The following LATS2 variants were observed in gnomAD, a reference collection of about 807,000 sequenced individuals.
LATS2 encodes the protein large tumor suppressor kinase 2, also known as serine/threonine-protein kinase LATS2.
Under a neutral mutation model 76.0 loss-of-function variants are expected in LATS2, and 24 were observed. That is an observed-to-expected ratio of 0.32 (90% CI 0.23 to 0.44). LATS2 has a LOEUF of 0.44. Ranked by LOEUF, LATS2 falls within the 20% of genes least tolerant of loss-of-function variation. The probability of loss-of-function intolerance (pLI) is 1.00; values close to 1 mark genes in which losing one functional copy is unlikely to be tolerated. For synonymous variants in LATS2, 692 were observed against 635.4 expected, an observed-to-expected ratio of 1.09 and a Z score of -1.34; for missense variants, 1,286 against 1,481.2, an observed-to-expected ratio of 0.87 and a Z score of 2.16.
Position 20,974,823 on chromosome 13 carries a change from G to C in LATS2, c.*47C>G, listed in dbSNP as rs1050983205. 1 of 1,553,470 alleles carries C rather than the reference G, an allele frequency of 6.4e-7. No homozygotes were observed. Among genetic ancestry groups the C allele is most frequent in the Admixed American group, 1.9e-5 (1 of 51,550 alleles). Reference sequence around the variant, plus strand: ...TGGCCTGTGAGGGCACCGGCTCCGGGACCCTGACCTGGGAGGCAGCGAGTG... The same window carrying C: ...TGGCCTGTGAGGGCACCGGCTCCGGCACCCTGACCTGGGAGGCAGCGAGTG... On this transcript the variant is annotated 3_prime_UTR_variant, in exon 8 of 8. Transcript: ENST00000382592.
chr13:20,975,313 G>A lies in LATS2; in HGVS notation c.2824C>T (p.Pro942Ser), dbSNP rs1423709652. 4 of 1,604,418 alleles carry A rather than the reference G, an allele frequency of 2.5e-6. No individual in the cohort carries two copies. Among genetic ancestry groups the A allele is most frequent in the South Asian group, 2.2e-5 (2 of 90,092 alleles). The change falls in exon 8 of 8, where the codon CCT becomes TCT. Residue 942 changes from proline (P) to serine (S), a missense_variant. By Grantham distance (74) the Pro-to-Ser change is moderately conservative. This residue lies in a region of LATS2 where 210 missense variants were observed against 234.9 expected (regional missense o/e 0.89). Transcript: ENST00000382592. ...LHIPAQVKLS[P>S]EARDLITKLC... ...TTGGTGATGAGGTCCCTGGCCTCAG[G>A]GCTCAGCTTCACCTGGGCTGGAATG...
intron 1 of LATS2, among the ~76,000 whole-genome samples, chr13:21,050,119 CATAGACAG>C (rs1477287046): frequency 0.03 from 810 of 26,798 alleles, 9 homozygotes; most frequent in African/African-American, 0.053. Flanking sequence ...GACTCTGTCT[CATAGACAG>C]ATAGATAGAT....
At chr13:21,028,262 T>C (rs888864199) in intron 2 of LATS2, among the ~76,000 whole-genome samples, 1 of 152,178 alleles carries the variant, frequency 6.6e-6, no homozygotes, top group African/African-American at 2.4e-5. Context: ...CATGAACTCA[T>C]CATTTTTTAT....
intron 5 of LATS2, 36 bp downstream of exon 5, chr13:20,983,188 A>G (rs1237929074): frequency 1.4e-6 from 2 of 1,446,832 alleles, no homozygotes. Flanking sequence ...TGACATCTAC[A>G]CATAGAAAGT....
chr13:20,988,676 C>T lies in LATS2; in HGVS notation c.1104G>A (p.Gln368=), dbSNP rs12868620. The T allele has an allele frequency of 5.1e-6, 8 of 1,574,810 alleles. No individual in the cohort carries two copies. In the South Asian group the frequency reaches 6.9e-5, roughly 14 times the overall value. ...DLYELGSTSV[Q]QWPAATLARR... ...GGGCCAGGGTGGCAGCCGGCCACTG[C>T]TGGACGGAGGTGCTGCCCAATTCAT... The change falls in exon 4 of 8, where the codon CAG becomes CAA. Residue 368 remains glutamine, a synonymous_variant. Coordinates refer to ENST00000382592, the MANE Select transcript of LATS2 (RefSeq NM_014572.3).
At chr13:21,017,468 C>T (rs192793665) in intron 2 of LATS2, among the ~76,000 whole-genome samples, 1 of 152,168 alleles carries the variant, frequency 6.6e-6, no homozygotes, top group Admixed American at 6.5e-5. Context: ...AGCCACCACA[C>T]CTGGATGATT....
chr13:20,988,392 G>A lies in LATS2; in HGVS notation c.1388C>T (p.Pro463Leu). ...EPQTAVGPSH[P>L]AWVPAPAPAP... ...CGGGGCAGGCGCGGGCACCCAGGCG[G>A]GGTGCGAGGGCCCCACAGCCGTCTG... Residue 463 changes from proline to leucine, a missense_variant, in exon 4 of 8, where the codon CCC becomes CTC. Coordinates refer to ENST00000382592, the MANE Select transcript of LATS2 (RefSeq NM_014572.3). 1 of 1,382,130 alleles carries A rather than the reference G, an allele frequency of 7.2e-7. No homozygotes were observed. 85.6% of individuals were successfully genotyped at this position (1,382,130 alleles called of 1,614,324 possible).
chr13:21,014,196 G>A (rs1436227316), intron 2 of LATS2, among the ~76,000 whole-genome samples: 1 of 152,238 alleles, frequency 6.6e-6, no homozygotes, highest in African/African-American at 2.4e-5. Context: ...AAGGCGCGCA[G>A]GTCACTCCCA....
chr13:20,977,253 G>A (rs1384408488), intron 7 of LATS2, among the ~76,000 whole-genome samples: 1 of 152,120 alleles, frequency 6.6e-6, no homozygotes, highest in Admixed American at 6.6e-5. Flanking sequence ...AAAATTAGCT[G>A]GTGTTGTGGC....
rs1869563667 is a variant in LATS2, at chr13:20,975,371, A to C, written c.2773-7T>G. On this transcript the variant is annotated splice_polypyrimidine_tract_variant and splice_region_variant and intron_variant, in intron 7 of 7. Transcript: ENST00000382592. Reference sequence around the variant, plus strand: ...TGTTCTCCCAGTTGATCACCTGAGGAAACAACAGAGCCAACAGGTTAGTTT... The same window carrying C: ...TGTTCTCCCAGTTGATCACCTGAGGCAACAACAGAGCCAACAGGTTAGTTT... The C allele has an allele frequency of 6.5e-7, 1 of 1,541,594 alleles. No individual in the cohort carries two copies. The highest frequency in any genetic ancestry group is 8.7e-7 in the Non-Finnish European group (1 of 1,145,616).
intron 2 of LATS2, among the ~76,000 whole-genome samples, chr13:21,044,421 A>G (rs1025654186): frequency 1.3e-5 from 2 of 152,198 alleles, no homozygotes; most frequent in African/African-American, 4.8e-5. Flanking sequence ...TGAGCATGAA[A>G]TCTTACTACT....
chr13:21,027,298 A>G (rs1462919478), intron 2 of LATS2, among the ~76,000 whole-genome samples: 7 of 152,186 alleles, frequency 4.6e-5, no homozygotes, highest in African/African-American at 1.7e-4. Flanking sequence ...TCAAGGTTGC[A>G]AGATTTTATC....
chr13:21,027,860 C>T (rs371149587), intron 2 of LATS2, among the ~76,000 whole-genome samples: 3 of 151,996 alleles, frequency 2.0e-5, no homozygotes, highest in East Asian at 1.9e-4. Flanking sequence ...TGAGAACTGC[C>T]GTCTTAACAG....
chr13:20,989,120 G>A lies in LATS2; in HGVS notation c.660C>T (p.Gly220=). The part of the protein sequence containing the change: ...PYVDYLFPGV[G]PHGPGHQHQH... ...GGTGCTGGTGGCCGGGCCCGTGGGG[G>A]CCGACTCCGGGGAAAAGGTAGTCCA... is the stretch of plus-strand genomic sequence containing the variant. The change falls in exon 4 of 8, where the codon GGC becomes GGT. Residue 220 remains glycine (G), a synonymous_variant. Coordinates refer to ENST00000382592, the MANE Select transcript of LATS2 (RefSeq NM_014572.3). The A allele has an allele frequency of 6.2e-7, 1 of 1,607,018 alleles. No homozygotes were observed. Among genetic ancestry groups the A allele is most frequent in the Non-Finnish European group, 8.5e-7 (1 of 1,177,582 alleles).
chr13:20,978,288 C>T (rs1385243144), intron 7 of LATS2, among the ~76,000 whole-genome samples: 1 of 151,986 alleles, frequency 6.6e-6, no homozygotes, highest in Non-Finnish European at 1.5e-5. Context: ...CCTGGTGGCT[C>T]ACATGACCAC....
intron 2 of LATS2, among the ~76,000 whole-genome samples, chr13:20,998,628 T>A (rs1369623915): frequency 6.6e-6 from 1 of 152,224 alleles, no homozygotes; most frequent in African/African-American, 2.4e-5. Context: ...CCTGGAAGAA[T>A]GAGGCCCTCC....
intron 2 of LATS2, among the ~76,000 whole-genome samples, chr13:20,998,793 C>T (rs1055646300): frequency 1.3e-5 from 2 of 151,992 alleles, no homozygotes; most frequent in Admixed American, 6.6e-5. Context: ...GGCAGAGCCC[C>T]GTGACCTTGT....
intron 1 of LATS2, among the ~76,000 whole-genome samples, chr13:21,047,617 G>C (rs1368512453): frequency 6.6e-6 from 1 of 152,050 alleles, no homozygotes; most frequent in East Asian, 1.9e-4. Flanking sequence ...AACGGGGATG[G>C]GCAGAGGGAT....
rs752778622 is a variant in LATS2 at position 20,983,759 on chromosome 13, G to C, written c.1947C>G (p.Tyr649Ter). ...AEQEQMRKIL[Y>*]QKESNYNRLK... The stretch of plus-strand genomic sequence containing the variant: ...ACCTGTTGTAATTAGACTCTTTCTG[G>C]TAGAGGATCTTCCGCATCTGCTCCT... The change falls in exon 5 of 8, where the codon TAC becomes TAG. Residue 649 changes from tyrosine to a stop codon, truncating the protein, a stop_gained. Coordinates refer to ENST00000382592, the MANE Select transcript of LATS2 (RefSeq NM_014572.3). LOFTEE classifies it high-confidence loss of function. 2 of 1,613,762 alleles carry C rather than the reference G, an allele frequency of 1.2e-6. No individual in the cohort carries two copies. Among genetic ancestry groups the C allele is most frequent in the African/African-American group, 2.7e-5 (2 of 74,898 alleles).
Sources: allele counts gnomAD v4.1 joint callset (sites outside exome capture counted in the v4.1 genomes callset), GRCh38; gene constraint gnomAD v4.1.1; regional missense constraint gnomAD v4.1.1; transcripts MANE v1.5; gene names NCBI Gene and HGNC (gene_info 2026-07-23, HGNC 2026-07-21).